OPRM1: variants seen among roughly 807,000 people sequenced by gnomAD.
OPRM1 encodes opioid receptor mu 1.
Under a neutral mutation model 31.8 loss-of-function variants are expected in OPRM1, and 27 were observed. The observed-to-expected ratio is 0.85, with a 90% CI of 0.63 to 1.17. The LOEUF (loss-of-function observed/expected upper bound fraction) is 1.17, where lower values mean the gene tolerates loss of function less well. OPRM1 is among the 50% of genes most tolerant of loss of function. The pLI is 0.00. For synonymous variants in OPRM1, 196 were observed against 189.9 expected (o/e 1.03, Z -0.26); for missense variants, 536 against 511.1 (o/e 1.05, Z -0.47).
At chr6:154,158,847 A>G (rs1798815970) in intron 3 of OPRM1, 1 of 152,260 alleles carries the variant, frequency 6.6e-6, no homozygotes, top group Non-Finnish European at 1.5e-5. Context: ...CACAAGTGAC[A>G]TATAAACATA....
At chr6:154,109,029 A>T (rs1358348870) in intron 3 of OPRM1, 2 of 985,112 alleles carry the variant, frequency 2.0e-6, no homozygotes. Flanking sequence ...TGTTGGAATT[A>T]TAGGTCACAT....
intron 1 of OPRM1, chr6:154,083,381 C>A (rs1281610294): frequency 6.6e-6 from 1 of 152,210 alleles, no homozygotes; most frequent in Non-Finnish European, 1.5e-5. Flanking sequence ...ATGCCATTAG[C>A]TTCTACACAA....
At chr6:154,029,474 C>T (rs1449059409) in intron 1 of OPRM1, among the ~76,000 whole-genome samples, 2 of 151,942 alleles carry the variant, frequency 1.3e-5, no homozygotes, top group South Asian at 2.1e-4. Context: ...TTCTTTAAAC[C>T]ACAAATAAAA....
intron 3 of OPRM1, among the ~76,000 whole-genome samples, chr6:154,103,883 C>T (rs1288058987): frequency 2.6e-5 from 4 of 152,108 alleles, no homozygotes; most frequent in Admixed American, 2.6e-4. Flanking sequence ...TCAGCAAGGT[C>T]TTTATGACCT....
intron 1 of OPRM1, among the ~76,000 whole-genome samples, chr6:154,051,933 C>A (rs1434312177): frequency 6.6e-6 from 1 of 152,102 alleles, no homozygotes; most frequent in Non-Finnish European, 1.5e-5. Context: ...AACCCAAATG[C>A]CCATCAATGA....
intron 1 of OPRM1, among the ~76,000 whole-genome samples, chr6:154,084,367 T>A (rs1054284192): frequency 6.6e-6 from 1 of 152,006 alleles, no homozygotes; most frequent in Middle Eastern, 3.2e-3. Flanking sequence ...GGATAATCAC[T>A]AGTTTTGATT....
At chr6:154,083,943 C>CAAAAA (rs57976654) in intron 1 of OPRM1, among the ~76,000 whole-genome samples, 1 of 35,142 alleles carries the variant, frequency 2.8e-5, no homozygotes, top group Non-Finnish European at 5.4e-5. Flanking sequence ...GACTCCGTCT[C>CAAAAA]AAAAAAAAAA....
chr6:154,137,928 C>T (rs1165233510), intron 3 of OPRM1, among the ~76,000 whole-genome samples: 6 of 152,212 alleles, frequency 3.9e-5, no homozygotes, highest in Non-Finnish European at 5.9e-5. Context: ...AGAGCCCTCA[C>T]GTTCATGAAG....
intron 3 of OPRM1, among the ~76,000 whole-genome samples, chr6:154,153,451 A>C (rs894334789): frequency 1.3e-5 from 2 of 152,214 alleles, no homozygotes; most frequent in Non-Finnish European, 2.9e-5. Flanking sequence ...TGGGAGGCCG[A>C]GGCGGGCAGA....
intron 3 of OPRM1, among the ~76,000 whole-genome samples, chr6:154,244,301 G>GT (rs1554298352): frequency 9.9e-4 from 146 of 148,060 alleles, no homozygotes; most frequent in African/African-American, 1.4e-3. Flanking sequence ...TGTGTGGGTG[G>GT]GTGTGTGTGT....
intron 3 of OPRM1, among the ~76,000 whole-genome samples, chr6:154,097,878 C>T (rs116901473): frequency 0.023 from 3,501 of 152,188 alleles, 65 homozygotes; most frequent in Non-Finnish European, 0.039. Flanking sequence ...AACCTCTACT[C>T]TATAGTTGAG....
At chr6:154,107,769 G>A (rs1355692530) in intron 3 of OPRM1, 1 of 718,340 alleles carries the variant, frequency 1.4e-6, no homozygotes, top group Non-Finnish European at 2.6e-6. Flanking sequence ...CAAGTTTGTT[G>A]CTGACCAACT....
rs145922687 is a variant in OPRM1 at position 154,013,909 on chromosome 6, T to C, written c.-1+2891T>C. Among the ~76,000 whole-genome samples the C allele has an allele frequency of 2.1e-3, 313 of 152,232 alleles. 1 individual carries two copies. Among genetic ancestry groups the C allele is most frequent in the Non-Finnish European group, 3.7e-3 (254 of 67,998 alleles). Reference sequence around the variant, plus strand: ...ACACTGTCACTTCCAGCTCATTCTATTGGGGAAAGAAAGTCATATTGTTGA... The same window carrying C: ...ACACTGTCACTTCCAGCTCATTCTACTGGGGAAAGAAAGTCATATTGTTGA... On this transcript the variant is annotated intron_variant, in intron 1 of 5. Coordinates refer to the OPRM1 transcript ENST00000434900.
At position 154,125,005 on chromosome 6, in the gene OPRM1, C is replaced by A. The variant is rs1426203350; in HGVS notation, c.*6284C>A. ...CAGGTACAGGACCTACCAAAGGCCA[C>A]AGCCAAGCACAAGCAGCTACATTAG... On this transcript the variant is annotated 3_prime_UTR_variant, in exon 4 of 4. Coordinates refer to ENST00000330432, the MANE Select transcript of OPRM1 (RefSeq NM_000914.5). Among the ~76,000 whole-genome samples, 1 of 152,142 alleles carries A rather than the reference C, an allele frequency of 6.6e-6. No homozygotes were observed. The highest frequency in any genetic ancestry group is 1.5e-5 in the Non-Finnish European group (1 of 68,024).
chr6:154,221,228 G>A, intron 3 of OPRM1: 1 of 1,547,906 alleles, frequency 6.5e-7, no homozygotes, highest in Non-Finnish European at 8.9e-7. Context: ...TCCCATTAAG[G>A]ATGGGGTTTA....
At chr6:154,180,414 A>ATATATATATATATTTTT (rs1241250621) in intron 3 of OPRM1, among the ~76,000 whole-genome samples, 1 of 65,268 alleles carries the variant, frequency 1.5e-5, no homozygotes, top group African/African-American at 4.8e-5. Flanking sequence ...ATATATATAT[A>ATATATATATATATTTTT]TTTTTTTTTT....
At chr6:154,146,328 A>G (rs1798357274) in intron 3 of OPRM1, among the ~76,000 whole-genome samples, 1 of 152,202 alleles carries the variant, frequency 6.6e-6, no homozygotes, top group African/African-American at 2.4e-5. Context: ...TGAACCTGGG[A>G]GTCGGAGGTT....
chr6:154,082,778 A>C (rs1246308447), intron 1 of OPRM1, among the ~76,000 whole-genome samples: 1 of 152,208 alleles, frequency 6.6e-6, no homozygotes, highest in East Asian at 1.9e-4. Context: ...TAAACCAAAA[A>C]TCTCTAGCTC....
chr6:154,099,410 AAG>A (rs1370896360), intron 3 of OPRM1, among the ~76,000 whole-genome samples: 1 of 76,130 alleles, frequency 1.3e-5, no homozygotes, highest in Non-Finnish European at 2.7e-5. Flanking sequence ...TAAAGAAAGA[AAG>A]AGAGAAAGAG....
Sources: gnomAD v4.1 joint callset for allele counts (sites outside exome capture counted in the v4.1 genomes callset) on GRCh38, gnomAD v4.1.1 for gene constraint, MANE v1.5 for transcripts, NCBI Gene and HGNC (gene_info 2026-07-23, HGNC 2026-07-21) for gene names.